Variants in NEBL observed in about 807,000 individuals in gnomAD.
NEBL encodes the protein nebulette.
NEBL carries 122 observed loss-of-function variants against 140.2 expected under a neutral mutation model. The observed-to-expected ratio is 0.87, with a 90% CI of 0.75 to 1.01. The LOEUF is 1.01. Among genes scored for constraint, NEBL ranks in the 50% least tolerant of loss-of-function variants. NEBL has a pLI of 0.00. For synonymous variants in NEBL, 436 were observed against 398.9 expected, an observed-to-expected ratio of 1.09 and a Z score of -1.11; for missense variants, 1,365 against 1,231.3, an observed-to-expected ratio of 1.11 and a Z score of -1.62.
chr10:21,059,575 A>G (rs1400113571), intron 2 of NEBL, among the ~76,000 whole-genome samples: 1 of 152,228 alleles, frequency 6.6e-6, no homozygotes, highest in Non-Finnish European at 1.5e-5. Flanking sequence ...CAAAATAAAT[A>G]TTCTCAAATT....
intron 1 of NEBL, among the ~76,000 whole-genome samples, chr10:21,268,154 A>G (rs1006544918): frequency 2.0e-5 from 3 of 152,118 alleles, no homozygotes; most frequent in African/African-American, 7.2e-5. Context: ...CTCAAAAGAG[A>G]GTGGAAACTA....
At chr10:21,212,386 C>G (rs1014219878) in intron 3 of NEBL, among the ~76,000 whole-genome samples, 1 of 152,128 alleles carries the variant, frequency 6.6e-6, no homozygotes, top group Non-Finnish European at 1.5e-5. Context: ...CCCCAACTTT[C>G]CTTGCAAAGA....
intron 2 of NEBL, among the ~76,000 whole-genome samples, chr10:21,066,835 T>C (rs1172057281): frequency 6.6e-6 from 1 of 152,152 alleles, no homozygotes; most frequent in Non-Finnish European, 1.5e-5. Context: ...GGTTTTTCTA[T>C]TTAACTGAAT....
intron 1 of NEBL, among the ~76,000 whole-genome samples, chr10:21,270,793 T>C (rs1409199506): frequency 6.6e-6 from 1 of 152,210 alleles, no homozygotes; most frequent in Non-Finnish European, 1.5e-5. Flanking sequence ...GGGTTCTCAA[T>C]AACGACTTGT....
intron 3 of NEBL, among the ~76,000 whole-genome samples, chr10:21,003,697 C>A (rs1034864886): frequency 1.3e-5 from 2 of 152,184 alleles, no homozygotes; most frequent in African/African-American, 4.8e-5. Flanking sequence ...CAGGCAGGAT[C>A]TTTCTAATCA....
At chr10:21,059,099 C>T (rs1264208992) in intron 2 of NEBL, among the ~76,000 whole-genome samples, 1 of 152,128 alleles carries the variant, frequency 6.6e-6, no homozygotes, top group Non-Finnish European at 1.5e-5. Flanking sequence ...CTATCACTCA[C>T]CCCCATTTAT....
intron 11 of NEBL, among the ~76,000 whole-genome samples, chr10:20,848,805 T>C (rs1174516457): frequency 2.0e-5 from 3 of 152,326 alleles, no homozygotes; most frequent in African/African-American, 7.2e-5. Context: ...TGGAGACCAC[T>C]GAATAAGACA....
intron 1 of NEBL, among the ~76,000 whole-genome samples, chr10:21,286,661 T>A (rs7916491): frequency 1.3e-5 from 2 of 151,864 alleles, no homozygotes; most frequent in African/African-American, 2.4e-5. Flanking sequence ...TGAAACCCTG[T>A]CTCTATTAAA....
chr10:21,044,353 T>A (rs1458283955), intron 2 of NEBL, among the ~76,000 whole-genome samples: 1 of 120,108 alleles, frequency 8.3e-6, no homozygotes, highest in Non-Finnish European at 1.6e-5. Context: ...GCTGAGATGG[T>A]GCCACCGCAC....
At chr10:20,984,167 T>C (rs1026498976) in intron 3 of NEBL, among the ~76,000 whole-genome samples, 2 of 150,260 alleles carry the variant, frequency 1.3e-5, no homozygotes, top group African/African-American at 2.4e-5. Context: ...AAAGATTATA[T>C]TAAAAACAGG....
chr10:20,984,964 T>G (rs1264667044), intron 3 of NEBL, among the ~76,000 whole-genome samples: 5 of 152,154 alleles, frequency 3.3e-5, no homozygotes, highest in Non-Finnish European at 7.4e-5. Context: ...TGCTTGCCTC[T>G]TATGAGAGTC....
At chr10:20,820,842 TA>T (rs923444487) in intron 19 of NEBL, among the ~76,000 whole-genome samples, 4 of 149,390 alleles carry the variant, frequency 2.7e-5, no homozygotes, top group Non-Finnish European at 5.9e-5. Context: ...AAAACAAAAA[TA>T]AAAAAGAAAG....
intron 2 of NEBL, among the ~76,000 whole-genome samples, chr10:21,061,318 T>TGTTAC (rs1564497091): frequency 0.01 from 1,071 of 106,916 alleles, 20 homozygotes; most frequent in East Asian, 0.025. Flanking sequence ...TGATATGTAA[T>TGTTAC]ATATTACATA....
intron 3 of NEBL, among the ~76,000 whole-genome samples, chr10:21,224,638 T>A (rs1401840440): frequency 1.3e-5 from 2 of 152,264 alleles, no homozygotes; most frequent in Non-Finnish European, 2.9e-5. Context: ...TCCATGAATA[T>A]GGAATATCTT....
At chr10:21,217,333 A>T (rs1048182939) in intron 3 of NEBL, among the ~76,000 whole-genome samples, 1 of 152,242 alleles carries the variant, frequency 6.6e-6, no homozygotes, top group African/African-American at 2.4e-5. Flanking sequence ...CACAAGGGAC[A>T]GTGCTCCAAA....
At chr10:21,091,725 A>G (rs915394898) in intron 2 of NEBL, among the ~76,000 whole-genome samples, 4 of 152,218 alleles carry the variant, frequency 2.6e-5, no homozygotes, top group Non-Finnish European at 5.9e-5. Flanking sequence ...TCCTGGGCTC[A>G]AGGGATCCTC....
intron 26 of NEBL, among the ~76,000 whole-genome samples, chr10:20,796,395 C>A (rs1442101753): frequency 1.0e-3 from 96 of 92,690 alleles, no homozygotes; most frequent in South Asian, 2.6e-3. Flanking sequence ...AAAAAAAAAA[C>A]TTCTCTAAAA....
At chr10:20,823,685 AG>A (rs1839574019) in intron 18 of NEBL, among the ~76,000 whole-genome samples, 1 of 152,198 alleles carries the variant, frequency 6.6e-6, no homozygotes, top group Non-Finnish European at 1.5e-5. Context: ...AAGTATTTAA[AG>A]GCAAAAGTCA....
intron 1 of NEBL, among the ~76,000 whole-genome samples, chr10:21,261,325 C>A (rs751197513): frequency 2.6e-5 from 4 of 152,106 alleles, no homozygotes; most frequent in Non-Finnish European, 5.9e-5. Flanking sequence ...GACGCTGAAC[C>A]TCATGATGGA....
Sources: gnomAD v4.1 joint callset for allele counts (sites outside exome capture counted in the v4.1 genomes callset) on GRCh38, gnomAD v4.1.1 for gene constraint, MANE v1.5 for transcripts, NCBI Gene and HGNC (gene_info 2026-07-23, HGNC 2026-07-21) for gene names.